PAX2: variants seen among roughly 807,000 people sequenced by gnomAD.
PAX2 encodes the protein paired box 2.
In PAX2, 9 loss-of-function variants were observed where a neutral mutation model predicts 41.7. The observed-to-expected ratio is 0.22, with a 90% CI of 0.13 to 0.38. The LOEUF (loss-of-function observed/expected upper bound fraction) is 0.38, where lower values mean the gene tolerates loss of function less well. Ranked by LOEUF, PAX2 falls within the 10% of genes least tolerant of loss-of-function variation. PAX2 has a pLI of 1.00. For missense variants in PAX2, 418 were observed against 531.6 expected, an observed-to-expected ratio of 0.79 and a Z score of 2.10; for synonymous variants, 221 against 212.7, an observed-to-expected ratio of 1.04 and a Z score of -0.34.
intron 3 of PAX2, among the ~76,000 whole-genome samples, chr10:100,762,633 A>C (rs1323013882): frequency 6.6e-6 from 1 of 152,188 alleles, no homozygotes; most frequent in Non-Finnish European, 1.5e-5. Flanking sequence ...AAAGATAGCT[A>C]TGCTGCTCTC....
intron 7 of PAX2, among the ~76,000 whole-genome samples, chr10:100,823,610 G>A (rs1848441802): frequency 6.6e-6 from 1 of 152,186 alleles, no homozygotes; most frequent in African/African-American, 2.4e-5. Context: ...GTAATAGAGT[G>A]GCATTGGCTA....
At position 100,824,661 on chromosome 10, in the gene PAX2, G is replaced by A. The variant is rs755809967; in HGVS notation, c.933G>A (p.Ala311=). ...GTGTTTTTCCAGGTCGTGACATGGC[G>A]AGCACCACTCTGCCTGGTTACCCCC... The part of the protein sequence containing the change: ...TYPVVTGRDM[A]STTLPGYPPH... Residue 311 remains alanine (A), a synonymous_variant, in exon 8 of 10, where the codon GCG becomes GCA. Coordinates refer to ENST00000355243, the MANE Select transcript of PAX2 (RefSeq NM_000278.5). The surrounding 1 kb of genome is among the most constrained non-coding windows in gnomAD (Gnocchi z 6.6). 2.8e-5 allele frequency: 45 copies of A among 1,608,700 alleles called. No homozygotes were observed. In the South Asian group the frequency reaches 4.3e-4, roughly 15 times the overall value.
In PAX2 at chr10:100,771,850, G is replaced by A. The variant is rs561980690; in HGVS notation, c.411-7648G>A. ...TAAGACACAGTCTCGCTCTGTTGCC[G>A]AGGCTGGAGTGCAGTGGCGCGATCT... is the stretch of plus-strand genomic sequence containing the variant. On this transcript the variant is annotated intron_variant, in intron 3 of 9. Transcript: ENST00000355243. Among the ~76,000 whole-genome samples, 69 of 151,428 alleles carry A rather than the reference G, an allele frequency of 4.6e-4. No homozygotes were observed. The South Asian group carries it at 8.6e-3, about 19-fold the overall frequency.
intron 5 of PAX2, among the ~76,000 whole-genome samples, chr10:100,806,179 C>T (rs1394907230): frequency 2.0e-5 from 3 of 152,294 alleles, no homozygotes; most frequent in East Asian, 1.9e-4. Flanking sequence ...CCTTCCTGAC[C>T]CCACAGTGTG....
chr10:100,755,673 G>A (rs918527830), intron 3 of PAX2, among the ~76,000 whole-genome samples: 2 of 152,204 alleles, frequency 1.3e-5, no homozygotes, highest in South Asian at 4.1e-4. Context: ...GCAACAATCA[G>A]CCCATACAGC....
intron 3 of PAX2, among the ~76,000 whole-genome samples, chr10:100,766,643 A>G (rs1846040253): frequency 6.6e-6 from 1 of 152,232 alleles, no homozygotes; most frequent in Non-Finnish European, 1.5e-5. Context: ...TTCCAAGAAG[A>G]ATAGAATCGT....
rs1046126936 is a variant in PAX2, at chr10:100,748,189, T to C, written c.44-1557T>C. ...GGCCGGGCCCTGAGCCCGGGGAGGC[T>C]GAATTATTCATCTTTAATCTGCCCG... is the stretch of plus-strand genomic sequence containing the variant. On this transcript the variant is annotated intron_variant, in intron 1 of 9. Coordinates refer to ENST00000355243, the MANE Select transcript of PAX2 (RefSeq NM_000278.5). The surrounding 1 kb of genome is among the most constrained non-coding windows in gnomAD (Gnocchi z 5.0). The C allele has an allele frequency of 1.0e-5, 10 of 984,910 alleles. No individual in the cohort carries two copies. Among genetic ancestry groups the C allele is most frequent in the African/African-American group, 7.0e-5 (4 of 57,148 alleles). 61.0% of individuals were successfully genotyped at this position (984,910 alleles called of 1,614,324 possible).
intron 4 of PAX2, 59 bp from the exon 5 acceptor site, chr10:100,781,187 C>T (rs1589847932): frequency 3.8e-6 from 6 of 1,597,320 alleles, no homozygotes; most frequent in East Asian, 2.2e-5. Flanking sequence ...GGGCTTTGGC[C>T]TACGATCACA....
At chr10:100,741,985 C>T (rs1024223232), upstream of PAX2, among the ~76,000 whole-genome samples, 3 of 152,182 alleles carry the variant, frequency 2.0e-5, no homozygotes, top group African/African-American at 4.8e-5. Flanking sequence ...GTCCCGGCCA[C>T]GGGGGAGGGG....
chr10:100,773,030 T>G (rs1846266804), intron 3 of PAX2, among the ~76,000 whole-genome samples: 1 of 152,200 alleles, frequency 6.6e-6, no homozygotes, highest in South Asian at 2.1e-4. Context: ...AATAGAAGTT[T>G]CAATTTGGTG....
chr10:100,753,171 C>T (rs1193539557), intron 3 of PAX2, among the ~76,000 whole-genome samples: 4 of 152,120 alleles, frequency 2.6e-5, no homozygotes, highest in South Asian at 2.1e-4. Context: ...ACCCTGGGTC[C>T]GTAGTTAGGC....
chr10:100,766,781 C>T (rs903524146), intron 3 of PAX2, among the ~76,000 whole-genome samples: 1 of 152,186 alleles, frequency 6.6e-6, no homozygotes, highest in Non-Finnish European at 1.5e-5. Flanking sequence ...CCCACAACCA[C>T]ACCAAGAAGG....
chr10:100,806,610 G>T lies in PAX2; in HGVS notation c.792+5G>T. The T allele has an allele frequency of 1.2e-6, 2 of 1,613,372 alleles. No individual in the cohort carries two copies. On this transcript the variant is annotated splice_donor_5th_base_variant and intron_variant, in intron 6 of 9. Transcript: ENST00000355243. Reference sequence around the variant, plus strand: ...GAGCACATCAAATCAGAACAGGTGAGGAGGGAGCTTTCTGCTTGCAGAAGT... The same window carrying T: ...GAGCACATCAAATCAGAACAGGTGATGAGGGAGCTTTCTGCTTGCAGAAGT...
chr10:100,788,939 G>C (rs574264127), intron 5 of PAX2, among the ~76,000 whole-genome samples: 50 of 152,030 alleles, frequency 3.3e-4, no homozygotes, highest in Non-Finnish European at 5.9e-4. Flanking sequence ...TCTTTTGCTA[G>C]AGAAGACGGG....
chr10:100,785,290 G>A (rs1413206628), intron 5 of PAX2, among the ~76,000 whole-genome samples: 1 of 152,224 alleles, frequency 6.6e-6, no homozygotes, highest in East Asian at 1.9e-4. Flanking sequence ...ATCGGTGATG[G>A]TATTGAAGCG....
chr10:100,745,486 C>T (rs958333328), upstream of PAX2, among the ~76,000 whole-genome samples: 1 of 152,170 alleles, frequency 6.6e-6, no homozygotes, highest in African/African-American at 2.4e-5. Flanking sequence ...TTGCCTTTGT[C>T]TGACAAGTCA....
In PAX2 at chr10:100,809,052, G is replaced by A. The variant is rs113836156; in HGVS notation, c.793-58G>A. 6.7e-4 allele frequency: 1,050 copies of A among 1,561,348 alleles called. 9 individuals carry two copies. The African/African-American group carries it at 0.012, about 17-fold the overall frequency. On this transcript the variant is annotated intron_variant, in intron 6 of 9. Transcript: ENST00000355243. ...TGTTCCTCCTCCCCATCTGCACACC[G>A]AGCCCTTTCTCTGTGCGTGCATCAA...
At chr10:100,763,432 T>C (rs536139472) in intron 3 of PAX2, among the ~76,000 whole-genome samples, 7 of 152,360 alleles carry the variant, frequency 4.6e-5, no homozygotes, top group Admixed American at 1.3e-4. Context: ...AGTGTTCTCA[T>C]TAGAAAGCAT....
chr10:100,807,677 GC>G, intron 6 of PAX2, among the ~76,000 whole-genome samples: 1 of 152,108 alleles, frequency 6.6e-6, no homozygotes, highest in Non-Finnish European at 1.5e-5. Context: ...GCTGGGTGGA[GC>G]CCCCAGCACA....
Sources: allele counts gnomAD v4.1 joint callset (sites outside exome capture counted in the v4.1 genomes callset), GRCh38; gene constraint gnomAD v4.1.1; non-coding constraint Gnocchi (gnomAD v3.1); transcripts MANE v1.5; gene names NCBI Gene and HGNC (gene_info 2026-07-23, HGNC 2026-07-21).